SLC35F4: variants seen among roughly 807,000 people sequenced by gnomAD.
SLC35F4 encodes the protein chromosome 14 open reading frame 36.
SLC35F4 carries 24 observed loss-of-function variants against 44.2 expected under a neutral mutation model. That is an observed-to-expected ratio of 0.54 (90% CI 0.39 to 0.76). The LOEUF (loss-of-function observed/expected upper bound fraction) is 0.76. Among genes scored for constraint, SLC35F4 ranks in the 30% least tolerant of loss-of-function variants. SLC35F4 has a pLI of 0.00. For missense variants in SLC35F4, 562 were observed against 586.1 expected (o/e 0.96, Z 0.42); for synonymous variants, 238 against 223.6 (o/e 1.06, Z -0.57).
chr14:57,742,472 A>G (rs527671967), intron 1 of SLC35F4, among the ~76,000 whole-genome samples: 1 of 152,366 alleles, frequency 6.6e-6, no homozygotes, highest in East Asian at 1.9e-4. Context: ...CAAAAGAGAC[A>G]AAGAAGGCCA....
At chr14:57,783,250 A>G (rs1188462979) in intron 1 of SLC35F4, among the ~76,000 whole-genome samples, 1 of 147,616 alleles carries the variant, frequency 6.8e-6, no homozygotes, top group African/African-American at 2.7e-5. Flanking sequence ...ATGTCAGCAA[A>G]GGATGGTTTA....
rs181371191 is a variant in SLC35F4 at position 57,943,728 on chromosome 14, G to A, written n.282+38185C>T. On this transcript the variant is annotated intron_variant and non_coding_transcript_variant, in intron 1 of 1. Coordinates refer to the SLC35F4 transcript ENST00000556568. Reference sequence around the variant, plus strand: ...CTGAACTTCTTCTGTAATACTATTCGATTCAGTTAACCGCCAGTGCTGGTT... The same window carrying A: ...CTGAACTTCTTCTGTAATACTATTCAATTCAGTTAACCGCCAGTGCTGGTT... Among the ~76,000 whole-genome samples the A allele has an allele frequency of 4.1e-3, 625 of 152,282 alleles. 3 individuals carry two copies. The highest frequency in any genetic ancestry group is 0.014 in the African/African-American group (600 of 41,536).
At chr14:57,648,866 T>A (rs1296287670) in intron 1 of SLC35F4, among the ~76,000 whole-genome samples, 1 of 152,208 alleles carries the variant, frequency 6.6e-6, no homozygotes, top group Non-Finnish European at 1.5e-5. Context: ...AATGATTTAT[T>A]GCTTATCGAA....
chr14:57,580,827 G>A (rs1279396923), intron 4 of SLC35F4, among the ~76,000 whole-genome samples: 2 of 151,962 alleles, frequency 1.3e-5, no homozygotes, highest in Non-Finnish European at 2.9e-5. Flanking sequence ...GGGGAATGGG[G>A]GGTCATCTCA....
intron 1 of SLC35F4, among the ~76,000 whole-genome samples, chr14:57,775,799 G>A (rs1192987049): frequency 6.6e-6 from 1 of 152,200 alleles, no homozygotes; most frequent in Non-Finnish European, 1.5e-5. Flanking sequence ...TAACTGGGTT[G>A]AGATGGCTGA....
At chr14:57,586,011 C>A (rs1413612085) in intron 3 of SLC35F4, among the ~76,000 whole-genome samples, 1 of 152,178 alleles carries the variant, frequency 6.6e-6, no homozygotes, top group African/African-American at 2.4e-5. Flanking sequence ...AAAGAGCCTG[C>A]ATAGCCAAGA....
chr14:57,792,140 G>A (rs1277192069), intron 1 of SLC35F4, among the ~76,000 whole-genome samples: 3 of 151,758 alleles, frequency 2.0e-5, no homozygotes, highest in African/African-American at 4.8e-5. Flanking sequence ...TATATGAATG[G>A]CCAGAAACAT....
At chr14:57,852,242 A>C (rs540395677) in intron 1 of SLC35F4, among the ~76,000 whole-genome samples, 6 of 152,258 alleles carry the variant, frequency 3.9e-5, no homozygotes, top group African/African-American at 1.2e-4. Context: ...TTAATATGAG[A>C]CCTGAGGAAT....
chr14:57,879,667 A>C (rs1888477436), intron 1 of SLC35F4, among the ~76,000 whole-genome samples: 1 of 152,096 alleles, frequency 6.6e-6, no homozygotes, highest in African/African-American at 2.4e-5. Context: ...CAATTCAAGC[A>C]CATCCTCCAT....
intron 1 of SLC35F4, among the ~76,000 whole-genome samples, chr14:57,599,384 C>A (rs1415810373): frequency 1.3e-5 from 2 of 152,154 alleles, no homozygotes; most frequent in African/African-American, 4.8e-5. Context: ...AGAAATTCTG[C>A]AGTTGGGTAA....
At chr14:57,694,271 T>A (rs755237791) in intron 1 of SLC35F4, among the ~76,000 whole-genome samples, 1 of 152,222 alleles carries the variant, frequency 6.6e-6, no homozygotes, top group Non-Finnish European at 1.5e-5. Context: ...TTTGCTTCGT[T>A]GTTTTCAACA....
chr14:57,688,350 G>A (rs575606470), intron 1 of SLC35F4, among the ~76,000 whole-genome samples: 2 of 152,286 alleles, frequency 1.3e-5, no homozygotes, highest in East Asian at 3.9e-4. Context: ...TTGCAGCTAA[G>A]AGCATATTAA....
chr14:57,648,915 A>G (rs1463519520), intron 1 of SLC35F4, among the ~76,000 whole-genome samples: 1 of 152,166 alleles, frequency 6.6e-6, no homozygotes, highest in East Asian at 1.9e-4. Flanking sequence ...TCTATTTACT[A>G]AATCTGACAG....
intron 1 of SLC35F4, among the ~76,000 whole-genome samples, chr14:57,749,514 G>A (rs551892902): frequency 6.6e-6 from 1 of 150,942 alleles, no homozygotes; most frequent in African/African-American, 2.4e-5. Flanking sequence ...GGTCTGTGAC[G>A]GGTTTAAAAA....
intron 1 of SLC35F4, among the ~76,000 whole-genome samples, chr14:57,942,179 C>T (rs1329307270): frequency 1.3e-5 from 2 of 152,212 alleles, no homozygotes; most frequent in Non-Finnish European, 2.9e-5. Context: ...TGCCGCAAAG[C>T]TTTCATCTTC....
At chr14:57,844,042 T>C (rs936467372) in intron 1 of SLC35F4, among the ~76,000 whole-genome samples, 8 of 152,310 alleles carry the variant, frequency 5.3e-5, no homozygotes, top group Admixed American at 5.2e-4. Flanking sequence ...GCAATTTATG[T>C]TCAATTTTTA....
chr14:57,692,999 A>G (rs1184401727), intron 1 of SLC35F4, among the ~76,000 whole-genome samples: 1 of 152,182 alleles, frequency 6.6e-6, no homozygotes, highest in Non-Finnish European at 1.5e-5. Flanking sequence ...AATACTCTAA[A>G]CATGACAAAA....
intron 1 of SLC35F4, among the ~76,000 whole-genome samples, chr14:57,980,582 T>C (rs1175906496): frequency 1.3e-5 from 2 of 152,162 alleles, no homozygotes; most frequent in Non-Finnish European, 2.9e-5. Context: ...AAGCATAGCA[T>C]GTGGCTGACT....
Position 57,594,096 on chromosome 14 carries a change from A to G in SLC35F4, c.132T>C (p.Cys44=), listed in dbSNP as rs2139927491. 6.2e-7 allele frequency: 1 copy of G among 1,613,868 alleles called. No homozygotes were observed. The highest frequency in any genetic ancestry group is 8.5e-7 in the Non-Finnish European group (1 of 1,179,848). The change falls in exon 2 of 8, where the codon TGT becomes TGC. Residue 44 remains cysteine, a synonymous_variant. Coordinates refer to ENST00000556826, the MANE Select transcript of SLC35F4 (RefSeq NM_001306087.2). ...AACTGGGGCAGTTGGCTCCTGGTTT[A>G]CATCTAGTGACTGATGATCTGGAGG... ...KSTSRSSVTR[C]KPGANCPSSH...
Sources: gnomAD v4.1 joint callset for allele counts (sites outside exome capture counted in the v4.1 genomes callset) on GRCh38, gnomAD v4.1.1 for gene constraint, MANE v1.5 for transcripts, NCBI Gene and HGNC (gene_info 2026-07-23, HGNC 2026-07-21) for gene names.